The following CD99L2 variants were observed in gnomAD, a reference collection of about 807,000 sequenced individuals.
CD99L2 encodes the protein CD99 molecule like 2.
A neutral mutation model predicts 27.3 loss-of-function variants in CD99L2; 24 were observed. That is an observed-to-expected ratio of 0.88 (90% CI 0.64 to 1.24). The LOEUF (loss-of-function observed/expected upper bound fraction) is 1.24, where lower values mean the gene tolerates loss of function less well. Among genes scored for constraint, CD99L2 ranks in the 50% most tolerant of loss-of-function variants. The pLI is 0.00. For synonymous variants in CD99L2, 97 were observed against 87.9 expected (o/e 1.10, Z -0.58); for missense variants, 255 against 221.6 (o/e 1.15, Z -0.96).
At chrX:150,866,699 GAGA>G (rs1402038649) in intron 1 of CD99L2, among the ~76,000 whole-genome samples, 3 of 112,439 alleles carry the variant, frequency 2.7e-5, no homozygotes, top group Admixed American at 1.9e-4. Context: ...ATAGCTAGAT[GAGA>G]AGAATTATAA....
chrX:150,889,444 T>C (rs191135849), intron 1 of CD99L2, among the ~76,000 whole-genome samples: 399 of 107,518 alleles, frequency 3.7e-3, no homozygotes, highest in Non-Finnish European at 6.0e-3. Context: ...AGTTCCACCA[T>C]CCCAGGCTAG....
chrX:150,841,726 C>T (rs1177446673), intron 1 of CD99L2, among the ~76,000 whole-genome samples: 1 of 111,347 alleles, frequency 9.0e-6, no homozygotes, highest in African/African-American at 3.3e-5. Flanking sequence ...GCTATGTACC[C>T]ATCCCTTGTT....
chrX:150,870,068 T>A (rs1314641925), intron 1 of CD99L2, among the ~76,000 whole-genome samples: 1 of 111,842 alleles, frequency 8.9e-6, no homozygotes, highest in Non-Finnish European at 1.9e-5. Flanking sequence ...GCAATCTTGC[T>A]CTTGAGATTA....
chrX:150,898,305 C>A (rs927982215), intron 1 of CD99L2, among the ~76,000 whole-genome samples: 1 of 112,091 alleles, frequency 8.9e-6, no homozygotes, highest in Non-Finnish European at 1.9e-5. Context: ...CAGGAGGGGA[C>A]CCACCCCTCC....
chrX:150,779,846 G>A (rs782604798), intron 7 of CD99L2, among the ~76,000 whole-genome samples: 1 of 112,101 alleles, frequency 8.9e-6, no homozygotes, highest in East Asian at 2.8e-4. Flanking sequence ...ACTGAAAATG[G>A]AAAAGATCAG....
intron 1 of CD99L2, among the ~76,000 whole-genome samples, chrX:150,888,374 A>T (rs2047447338): frequency 8.9e-6 from 1 of 111,850 alleles, no homozygotes; most frequent in South Asian, 3.7e-4. Flanking sequence ...GTACTGATCC[A>T]CGCTACAACA....
chrX:150,823,808 A>G, intron 2 of CD99L2, among the ~76,000 whole-genome samples: 1 of 108,239 alleles, frequency 9.2e-6, no homozygotes. Flanking sequence ...CACTCCCATG[A>G]TAACCTACTA....
At chrX:150,793,460 T>A (rs935961973) in intron 7 of CD99L2, among the ~76,000 whole-genome samples, 4 of 112,272 alleles carry the variant, frequency 3.6e-5, no homozygotes, top group African/African-American at 1.3e-4. Context: ...CGTTAACCTA[T>A]CAGCACTGCT....
chrX:150,773,627 G>A (rs2043500288), intron 9 of CD99L2, among the ~76,000 whole-genome samples: 1 of 112,404 alleles, frequency 8.9e-6, no homozygotes, highest in African/African-American at 3.2e-5. Flanking sequence ...CTGTGAACAT[G>A]GCCTTATTCA....
At chrX:150,787,885 A>G (rs1019918788) in intron 7 of CD99L2, among the ~76,000 whole-genome samples, 5 of 53,970 alleles carry the variant, frequency 9.3e-5, no homozygotes, top group Non-Finnish European at 1.7e-4. Context: ...CCTAGAACTT[A>G]AAGTATATAT....
At chrX:150,783,125 C>G (rs920044573) in intron 7 of CD99L2, among the ~76,000 whole-genome samples, 5 of 91,475 alleles carry the variant, frequency 5.5e-5, no homozygotes, top group African/African-American at 2.1e-4. Flanking sequence ...AGGGGAATAT[C>G]ACACACCGGG....
intron 7 of CD99L2, among the ~76,000 whole-genome samples, chrX:150,786,591 T>G (rs782223594): frequency 2.9e-4 from 32 of 112,136 alleles, no homozygotes; most frequent in Admixed American, 1.1e-3. Context: ...CTGGTATATA[T>G]GTACCACATT....
chrX:150,796,058 T>C (rs781942692), intron 4 of CD99L2, among the ~76,000 whole-genome samples: 2 of 112,730 alleles, frequency 1.8e-5, no homozygotes, highest in Non-Finnish European at 3.7e-5. Context: ...ATGGCATTCA[T>C]GAATTTTCCA....
At chrX:150,860,433 A>T (rs782290967) in intron 1 of CD99L2, among the ~76,000 whole-genome samples, 14 of 112,051 alleles carry the variant, frequency 1.2e-4, no homozygotes, top group African/African-American at 4.5e-4. Flanking sequence ...CACTTTTACC[A>T]CTTCTATTCA....
intron 1 of CD99L2, among the ~76,000 whole-genome samples, chrX:150,846,864 G>A (rs1462201645): frequency 8.9e-6 from 1 of 112,307 alleles, no homozygotes; most frequent in East Asian, 2.8e-4. Context: ...AATGCACATG[G>A]TATTTCCTTC....
rs1557418689 is a variant in CD99L2, at chrX:150,767,214, C to T, written c.*1820G>A. 1 of 111,937 alleles carries T rather than the reference C, an allele frequency of 8.9e-6. No homozygotes were observed. Among genetic ancestry groups the T allele is most frequent in the East Asian group, 2.8e-4 (1 of 3,555 alleles). 9.2% of individuals were successfully genotyped at this position (111,937 alleles called of 1,213,427 possible). On this transcript the variant is annotated 3_prime_UTR_variant, in exon 11 of 11. Coordinates refer to ENST00000370377, the MANE Select transcript of CD99L2 (RefSeq NM_031462.4). ...ATACTTGGTATCAGGGAGGGACAAG[C>T]CTGACAAAGTTCACAATCTGGCCAA...
In CD99L2 at chrX:150,882,201, C is replaced by A. The variant is rs781965841; in HGVS notation, c.67+16321G>T. On this transcript the variant is annotated intron_variant, in intron 1 of 10. Transcript: ENST00000370377. Reference sequence around the variant, plus strand: ...TCCTCCTCCAGGGAAAAGACCAAGGCCATTAGGCAGGATGGCTCCACGTGC... The same window carrying A: ...TCCTCCTCCAGGGAAAAGACCAAGGACATTAGGCAGGATGGCTCCACGTGC... 7.3e-4 allele frequency among the ~76,000 whole-genome samples: 81 copies of A among 111,414 alleles called. 2 individuals are homozygous for A. The highest frequency in any genetic ancestry group is 2.5e-3 in the African/African-American group (77 of 30,648).
chrX:150,850,300 C>T (rs1406526201), intron 1 of CD99L2, among the ~76,000 whole-genome samples: 5 of 111,591 alleles, frequency 4.5e-5, no homozygotes, highest in African/African-American at 1.6e-4. Flanking sequence ...AAGACATGAA[C>T]CAAGCCAGGC....
intron 1 of CD99L2, among the ~76,000 whole-genome samples, chrX:150,861,663 G>A: frequency 9.0e-6 from 1 of 111,671 alleles, no homozygotes; most frequent in Non-Finnish European, 1.9e-5. Flanking sequence ...AGCACTTTGG[G>A]AGGCTGAGGC....
Sources: gnomAD v4.1 joint callset for allele counts (sites outside exome capture counted in the v4.1 genomes callset) on GRCh38, gnomAD v4.1.1 for gene constraint, MANE v1.5 for transcripts, NCBI Gene and HGNC (gene_info 2026-07-23, HGNC 2026-07-21) for gene names.